SNX19: variants seen among roughly 807,000 people sequenced by gnomAD.
The protein encoded by SNX19 is sorting nexin-19.
A neutral mutation model predicts 85.2 loss-of-function variants in SNX19; 60 were observed. The observed-to-expected ratio is 0.70, with a 90% confidence interval of 0.57 to 0.87. The LOEUF (loss-of-function observed/expected upper bound fraction) is 0.87, where lower values mean the gene tolerates loss of function less well. Ranked by LOEUF, SNX19 falls within the 40% of genes least tolerant of loss-of-function variation. The pLI is 0.00. For synonymous variants in SNX19, 520 were observed against 470.0 expected, an observed-to-expected ratio of 1.11 and a Z score of -1.38; for missense variants, 1,201 against 1,217.8, an observed-to-expected ratio of 0.99 and a Z score of 0.21.
chr11:130,889,233 T>C (rs1376867171), intron 8 of SNX19, among the ~76,000 whole-genome samples: 1 of 152,190 alleles, frequency 6.6e-6, no homozygotes, highest in East Asian at 1.9e-4. Context: ...GTGTCCCCTC[T>C]TTCTGTTTTT....
Position 130,915,230 on chromosome 11 carries a change from A to G in SNX19, c.710T>C (p.Val237Ala), listed in dbSNP as rs1946463702. 3 of 1,614,138 alleles carry G rather than the reference A, an allele frequency of 1.9e-6. No individual in the cohort carries two copies. Among genetic ancestry groups the G allele is most frequent in the East Asian group, 2.2e-5 (1 of 44,896 alleles). Reference sequence around the variant, plus strand: ...ATTGCATGTGATGAGTTCGACCACTACATGGCGTCCGGTACGAGTCTCCAA... The same window carrying G: ...ATTGCATGTGATGAGTTCGACCACTGCATGGCGTCCGGTACGAGTCTCCAA... ...PHLETRTGRHVVVELITCNVI... is the reference protein window; with the variant it reads ...PHLETRTGRHAVVELITCNVI... The change falls in exon 1 of 11, where the codon GTA (valine) becomes GCA (alanine). Residue 237 changes from valine (V) to alanine (A), a missense_variant. Physicochemically the swap from Val to Ala is moderately conservative, Grantham distance 64. Around this residue, in one of 3 missense-constraint regions of SNX19, gnomAD observed 791 missense variants for 750.9 expected, o/e 1.05. Transcript: ENST00000265909.
In SNX19 at chr11:130,878,171, A is replaced by C. The variant is rs924145021; in HGVS notation, c.*251T>G. The stretch of plus-strand genomic sequence containing the variant: ...ACCTCACAGCTTCTTTTCCCAAAGG[A>C]AACAGGATCTACTCACCAGCAACAA... On this transcript the variant is annotated 3_prime_UTR_variant, in exon 11 of 11. Coordinates refer to ENST00000265909, the MANE Select transcript of SNX19 (RefSeq NM_014758.3). The C allele has an allele frequency of 5.7e-5, 19 of 336,042 alleles. No homozygotes were observed. In the Admixed American group the frequency reaches 7.6e-4, roughly 13 times the overall value. The allele number at this position is 336,042 out of a possible 1,614,324, so 20.8% of individuals were successfully genotyped here.
At position 130,872,784 on chromosome 11, in the gene SNX19, C is replaced by T. The variant is rs1365800529; in HGVS notation, c.*5638G>A. Among the ~76,000 whole-genome samples the T allele has an allele frequency of 1.3e-5, 2 of 152,190 alleles. No individual in the cohort carries two copies. Among genetic ancestry groups the T allele is most frequent in the Non-Finnish European group, 2.9e-5 (2 of 68,050 alleles). ...AAGTATCATGGTTTCCCTTCCTCCC[C>T]AGTTACCATTCTTTCCCTGGTTCCC... On this transcript the variant is annotated 3_prime_UTR_variant, in exon 11 of 11. Coordinates refer to ENST00000265909, the MANE Select transcript of SNX19 (RefSeq NM_014758.3).
Position 130,879,656 on chromosome 11 carries a change from G to T in SNX19, c.2814C>A (p.Val938=). The change falls in exon 10 of 11, where the codon GTC becomes GTA. Residue 938 remains valine (V), a synonymous_variant. Coordinates refer to ENST00000265909, the MANE Select transcript of SNX19 (RefSeq NM_014758.3). The part of the protein sequence containing the change: ...VNKCRLSWGL[V]LESLQQPLIN... ...TGAGGGGTTGTTGTAGTGACTCCAG[G>T]ACTAGACCCCAGCTCAGCCGGCATT... 6.2e-7 allele frequency: 1 copy of T among 1,613,854 alleles called. No individual in the cohort carries two copies. Among genetic ancestry groups the T allele is most frequent in the Non-Finnish European group, 8.5e-7 (1 of 1,179,926 alleles).
At chr11:130,899,199 G>A (rs570330867) in intron 8 of SNX19, among the ~76,000 whole-genome samples, 21 of 152,168 alleles carry the variant, frequency 1.4e-4, no homozygotes, top group Admixed American at 6.5e-5. Context: ...GTCAACTCTC[G>A]ATAAACATTT....
At chr11:130,893,743 G>C in intron 8 of SNX19, 1 of 697,378 alleles carries the variant, frequency 1.4e-6, no homozygotes, top group Non-Finnish European at 2.6e-6. Context: ...GGAGAGAGGA[G>C]GCAGGTGTTG....
rs1942770530 is a variant in SNX19 at position 130,866,521 on chromosome 11, G to A, written c.*11901C>T. 6.6e-6 allele frequency: 1 copy of A among 152,172 alleles called. No homozygotes were observed. Among genetic ancestry groups the A allele is most frequent in the Non-Finnish European group, 1.5e-5 (1 of 68,030 alleles). 9.4% of individuals were successfully genotyped at this position (152,172 alleles called of 1,614,324 possible). ...CAATCAAGCCCTTTTACCTCCTTAAGATGGCAGATTAGAAGACCCTCTTCC... is the reference window on the plus strand; with the variant it reads ...CAATCAAGCCCTTTTACCTCCTTAAAATGGCAGATTAGAAGACCCTCTTCC... On this transcript the variant is annotated 3_prime_UTR_variant, in exon 11 of 11. Coordinates refer to ENST00000265909, the MANE Select transcript of SNX19 (RefSeq NM_014758.3).
intron 10 of SNX19, among the ~76,000 whole-genome samples, 154 bp from the exon 11 acceptor site, chr11:130,878,708 A>T (rs563942899): frequency 6.6e-6 from 1 of 152,182 alleles, no homozygotes; most frequent in East Asian, 1.9e-4. Flanking sequence ...TTTTGAACTA[A>T]TAAAGCCTCT....
chr11:130,915,472 C>G lies in SNX19; in HGVS notation c.468G>C (p.Gln156His), dbSNP rs1299140060. 2 of 1,614,060 alleles carry G rather than the reference C, an allele frequency of 1.2e-6. No individual in the cohort carries two copies. Among genetic ancestry groups the G allele is most frequent in the Non-Finnish European group, 1.7e-6 (2 of 1,180,054 alleles). Residue 156 changes from glutamine (Q) to histidine (H), a missense_variant, in exon 1 of 11, where the codon CAG (glutamine) becomes CAC (histidine). This residue lies in a region of SNX19 where 791 missense variants were observed against 750.9 expected (regional missense o/e 1.05). Coordinates refer to ENST00000265909, the MANE Select transcript of SNX19 (RefSeq NM_014758.3). The part of the protein sequence containing the change: ...MSVMDSHAVA[Q>H]SVLTLCGCHL... ...GACAACCGCAGAGAGTCAGAACACT[C>G]TGGGCAACAGCATGACTGTCCATCA...
intron 8 of SNX19, among the ~76,000 whole-genome samples, chr11:130,902,838 A>T (rs1284468024): frequency 6.6e-6 from 1 of 152,198 alleles, no homozygotes; most frequent in African/African-American, 2.4e-5. Flanking sequence ...TCTTTATTTC[A>T]AGAGCACTGA....
intron 8 of SNX19, chr11:130,893,729 T>C (rs1565523785): frequency 1.5e-6 from 1 of 689,410 alleles, no homozygotes; most frequent in Admixed American, 2.2e-5. Context: ...AAAGGAAACC[T>C]GGGGGAGAGA....
Position 130,870,749 on chromosome 11 carries a change from A to G in SNX19, c.*7673T>C, listed in dbSNP as rs1165958574. ...ACTTATTCACAAATTTTGCCTCTTA[A>G]ATAAACATAATCTTTAATTAAGTAA... On this transcript the variant is annotated 3_prime_UTR_variant, in exon 11 of 11. Coordinates refer to ENST00000265909, the MANE Select transcript of SNX19 (RefSeq NM_014758.3). Among the ~76,000 whole-genome samples the G allele has an allele frequency of 3.3e-5, 5 of 152,108 alleles. No homozygotes were observed. The highest frequency in any genetic ancestry group is 1.5e-5 in the Non-Finnish European group (1 of 68,020).
rs1946130245 is a variant in SNX19, at chr11:130,911,581, G to A, written c.1813+52C>T. ...CCCATAAACCAACAGGCCAATCAGC[G>A]TGGCTCGACGTGGGAAGCAAGCGGG... is the stretch of plus-strand genomic sequence containing the variant. On this transcript the variant is annotated intron_variant, in intron 2 of 10. Coordinates refer to ENST00000265909, the MANE Select transcript of SNX19 (RefSeq NM_014758.3). 5.6e-6 allele frequency: 9 copies of A among 1,610,164 alleles called. No individual in the cohort carries two copies. The Admixed American group carries it at 6.7e-5, about 12-fold the overall frequency.
rs1294256103 is a variant in SNX19 at position 130,871,130 on chromosome 11, T to C, written c.*7292A>G. On this transcript the variant is annotated 3_prime_UTR_variant, in exon 11 of 11. Transcript: ENST00000265909. Reference sequence around the variant, plus strand: ...AAAAAAATGAAAGCAGGAAGGAACATGCTGGTTTGGGCAGAATAAAAAATC... The same window carrying C: ...AAAAAAATGAAAGCAGGAAGGAACACGCTGGTTTGGGCAGAATAAAAAATC... Among the ~76,000 whole-genome samples, 1 of 152,078 alleles carries C rather than the reference T, an allele frequency of 6.6e-6. No individual in the cohort carries two copies. The highest frequency in any genetic ancestry group is 1.5e-5 in the Non-Finnish European group (1 of 68,014).
intron 4 of SNX19, among the ~76,000 whole-genome samples, chr11:130,909,780 A>C (rs1040364985): frequency 1.3e-5 from 2 of 152,196 alleles, no homozygotes; most frequent in African/African-American, 4.8e-5. Flanking sequence ...ATATGTGTAC[A>C]CTTAAGAGTG....
chr11:130,906,302 A>T (rs1461264856), intron 6 of SNX19, among the ~76,000 whole-genome samples, 169 bp from the exon 7 acceptor site: 1 of 152,198 alleles, frequency 6.6e-6, no homozygotes, highest in Non-Finnish European at 1.5e-5. Flanking sequence ...AGTTGCAAGT[A>T]AAACAGGCCT....
rs575952060 is a variant in SNX19, at chr11:130,899,506, C to T, written c.2573+3749G>A. On this transcript the variant is annotated intron_variant, in intron 8 of 10. Coordinates refer to ENST00000265909, the MANE Select transcript of SNX19 (RefSeq NM_014758.3). The stretch of plus-strand genomic sequence containing the variant: ...ATGGGAAAAATGATTTGTAGGGATA[C>T]ATGAATGGCCTCAAACAGAGAAGTA... Among the ~76,000 whole-genome samples the T allele has an allele frequency of 2.6e-5, 4 of 152,304 alleles. No homozygotes were observed. In the East Asian group the frequency reaches 7.7e-4, roughly 29 times the overall value.
rs1943054819 is a variant in SNX19 at position 130,872,262 on chromosome 11, A to C, written c.*6160T>G. ...CCAGAGACAGGTGAGGATGACAGGG[A>C]GGCAGTGCAAAGGCTCCGCAAGTCT... is the stretch of plus-strand genomic sequence containing the variant. On this transcript the variant is annotated 3_prime_UTR_variant, in exon 11 of 11. Coordinates refer to ENST00000265909, the MANE Select transcript of SNX19 (RefSeq NM_014758.3). Among the ~76,000 whole-genome samples the C allele has an allele frequency of 6.6e-6, 1 of 152,188 alleles. No individual in the cohort carries two copies. The highest frequency in any genetic ancestry group is 1.5e-5 in the Non-Finnish European group (1 of 68,034).
At position 130,915,890 on chromosome 11, in the gene SNX19, C is replaced by G; in HGVS notation, c.50G>C (p.Ser17Thr). The G allele has an allele frequency of 6.2e-7, 1 of 1,614,136 alleles. No individual in the cohort carries two copies. The highest frequency in any genetic ancestry group is 8.5e-7 in the Non-Finnish European group (1 of 1,179,966). Residue 17 changes from serine to threonine, a missense_variant, in exon 1 of 11, where the codon AGC becomes ACC. Physicochemically the swap from Ser to Thr is moderately conservative, Grantham distance 58 (BLOSUM62 1). Around this residue, in one of 3 missense-constraint regions of SNX19, gnomAD observed 791 missense variants for 750.9 expected, o/e 1.05. Coordinates refer to ENST00000265909, the MANE Select transcript of SNX19 (RefSeq NM_014758.3). ...PPFQETPAGS[S>T]CHLNNLLSSR... ...ACTCAACAGGTTATTGAGGTGACAG[C>G]TCGATCCAGCTGGAGTTTCCTGGAA...
Sources: allele counts gnomAD v4.1 joint callset (sites outside exome capture counted in the v4.1 genomes callset), GRCh38; gene constraint gnomAD v4.1.1; regional missense constraint gnomAD v4.1.1; transcripts MANE v1.5; gene names NCBI Gene and HGNC (gene_info 2026-07-23, HGNC 2026-07-21).